PRPF4: variants seen among roughly 807,000 people sequenced by gnomAD.
PRPF4 encodes the protein U4/U6 small nuclear ribonucleoprotein Prp4.
In PRPF4, 14 loss-of-function variants were observed where a neutral mutation model predicts 72.2. The observed-to-expected ratio is 0.19, with a 90% confidence interval of 0.13 to 0.30. The LOEUF is 0.30. Ranked by LOEUF, PRPF4 falls within the 10% of genes least tolerant of loss-of-function variation. The probability of loss-of-function intolerance (pLI) is 1.00; values close to 1 mark genes in which losing one functional copy is unlikely to be tolerated. For synonymous variants in PRPF4, 225 were observed against 232.2 expected, an observed-to-expected ratio of 0.97 and a Z score of 0.28; for missense variants, 478 against 653.9, an observed-to-expected ratio of 0.73 and a Z score of 2.93.
intron 13 of PRPF4, among the ~76,000 whole-genome samples, 161 bp from the exon 14 acceptor site, chr9:113,291,306 C>T (rs1389909930): frequency 2.6e-5 from 4 of 152,164 alleles, no homozygotes; most frequent in African/African-American, 9.7e-5. Context: ...AATAGATTCT[C>T]GGTCAGGGAA....
intron 3 of PRPF4, among the ~76,000 whole-genome samples, chr9:113,281,462 C>T (rs1458409038): frequency 1.3e-5 from 2 of 152,208 alleles, no homozygotes; most frequent in Non-Finnish European, 2.9e-5. Flanking sequence ...TACAACAGTA[C>T]TGTCTGATTT....
chr9:113,279,165 T>C, intron 3 of PRPF4, 34 bp downstream of exon 3: 1 of 1,574,194 alleles, frequency 6.4e-7, no homozygotes, highest in South Asian at 1.2e-5. Context: ...TTTTTCTTTA[T>C]TATAATCACA....
chr9:113,290,752 A>G lies in PRPF4; in HGVS notation c.1198A>G (p.Met400Val), dbSNP rs771241190. 1.9e-6 allele frequency: 3 copies of G among 1,614,076 alleles called. No individual in the cohort carries two copies. The highest frequency in any genetic ancestry group is 1.7e-5 in the Admixed American group (1 of 59,996). ...GGACCTACGCACAGGACGTTGTATC[A>G]TGTTCTTAGAAGGCCACCTGAAAGA... is the stretch of plus-strand genomic sequence containing the variant. ...VWDLRTGRCI[M>V]FLEGHLKEIY... The change falls in exon 12 of 14, where the codon ATG (methionine) becomes GTG (valine). Residue 400 changes from methionine (M) to valine (V), a missense_variant. By Grantham distance (21) the Met-to-Val change is conservative. Transcript: ENST00000374198.
At chr9:113,285,252 C>G (rs147747020) in intron 7 of PRPF4, among the ~76,000 whole-genome samples, 281 of 151,422 alleles carry the variant, frequency 1.9e-3, no homozygotes, top group Non-Finnish European at 3.4e-3. Context: ...CTTGTAATCC[C>G]AGCACTTTGG....
chr9:113,278,841 G>C, intron 2 of PRPF4, 104 bp from the exon 3 acceptor site: 1 of 1,103,534 alleles, frequency 9.1e-7, no homozygotes, highest in African/African-American at 1.6e-5. Context: ...ATGTGTAATA[G>C]ACAGTTACTT....
intron 10 of PRPF4, among the ~76,000 whole-genome samples, chr9:113,289,732 T>C (rs1832553765): frequency 6.6e-6 from 1 of 152,248 alleles, no homozygotes; most frequent in Non-Finnish European, 1.5e-5. Context: ...TCTGACCATA[T>C]ATGTGTGGTT....
In PRPF4 at chr9:113,283,568, T is replaced by C. The variant is rs190087046; in HGVS notation, c.654+86T>C. 1.4e-4 allele frequency: 174 copies of C among 1,285,862 alleles called. 2 individuals carry two copies. The Admixed American group carries it at 3.8e-3, about 28-fold the overall frequency. The allele number at this position is 1,285,862 out of a possible 1,614,324, so 79.7% of individuals were successfully genotyped here. A position where few individuals can be genotyped will look rare whatever the true frequency, so the allele number is the denominator to read the frequency against. On this transcript the variant is annotated intron_variant, in intron 6 of 13. Transcript: ENST00000374198. ...CTACTTTGGCTCACCTCTGGGAAGG[T>C]AGAGGCAACTAGAGTGATTCCTCCC...
intron 13 of PRPF4, 117 bp from the exon 14 acceptor site, chr9:113,291,350 T>A (rs1832603015): frequency 9.6e-7 from 1 of 1,045,572 alleles, no homozygotes; most frequent in Non-Finnish European, 1.4e-6. Flanking sequence ...TTTGTTCCCT[T>A]AAGTCTGTAG....
At chr9:113,280,987 T>G (rs2118603315) in intron 3 of PRPF4, among the ~76,000 whole-genome samples, 1 of 152,174 alleles carries the variant, frequency 6.6e-6, no homozygotes, top group African/African-American at 2.4e-5. Flanking sequence ...ACTACAGGCA[T>G]GTGCCACCAT....
chr9:113,284,458 G>A, intron 7 of PRPF4, 69 bp downstream of exon 7: 1 of 1,297,096 alleles, frequency 7.7e-7, no homozygotes, highest in East Asian at 2.3e-5. Context: ...ATTAGCATTT[G>A]CGTTAGACGT....
At chr9:113,288,087 C>T (rs1331938159) in intron 9 of PRPF4, 88 bp from the exon 10 acceptor site, 2 of 1,255,618 alleles carry the variant, frequency 1.6e-6, no homozygotes, top group East Asian at 5.0e-5. Flanking sequence ...TCGTGTTGTA[C>T]AGAATGGGTA....
intron 3 of PRPF4, among the ~76,000 whole-genome samples, chr9:113,280,755 T>A (rs1210998070): frequency 6.6e-6 from 1 of 152,244 alleles, no homozygotes; most frequent in Admixed American, 6.5e-5. Context: ...ACATTGGTCC[T>A]TATGGAATAT....
At chr9:113,291,371 T>C in intron 13 of PRPF4, 96 bp from the exon 14 acceptor site, 1 of 1,314,082 alleles carries the variant, frequency 7.6e-7, no homozygotes. Flanking sequence ...AAACAAGTTT[T>C]TTTAAAAATA....
chr9:113,276,785 T>G (rs1832113302), intron 2 of PRPF4, 60 bp downstream of exon 2: 1 of 1,500,948 alleles, frequency 6.7e-7, no homozygotes, highest in Non-Finnish European at 9.0e-7. Context: ...CTTTCTAAAC[T>G]TAAATACCAC....
Position 113,291,932 on chromosome 9 carries a change from G to T in PRPF4, c.*272G>T, listed in dbSNP as rs1042721795. The stretch of plus-strand genomic sequence containing the variant: ...ATTGTTTTTATTAATCTTTTGTTTG[G>T]CCGGGCGTGGTGGCTCACGCCTGTA... On this transcript the variant is annotated 3_prime_UTR_variant, in exon 14 of 14. Transcript: ENST00000374198. 1 of 256,518 alleles carries T rather than the reference G, an allele frequency of 3.9e-6. No homozygotes were observed. The highest frequency in any genetic ancestry group is 7.5e-6 in the Non-Finnish European group (1 of 133,234). 15.9% of individuals were successfully genotyped at this position (256,518 alleles called of 1,614,324 possible). A position where few individuals can be genotyped will look rare whatever the true frequency, so the allele number is the denominator to read the frequency against.
chr9:113,290,928 C>T lies in PRPF4; in HGVS notation c.1284C>T (p.Asn428=). ...GYHIATGSGD[N]TCKVWDLRQR... is the part of the protein sequence containing the mutation. The stretch of plus-strand genomic sequence containing the variant: ...ACATTGCAACCGGCAGTGGTGACAA[C>T]ACCTGCAAAGTGTGGGACCTCCGAC... Residue 428 remains asparagine, a synonymous_variant, in exon 13 of 14, where the codon AAC becomes AAT. Coordinates refer to ENST00000374198, the MANE Select transcript of PRPF4 (RefSeq NM_001244926.2). The T allele has an allele frequency of 3.1e-6, 5 of 1,614,238 alleles. No homozygotes were observed. In the East Asian group the frequency reaches 8.9e-5, roughly 29 times the overall value.
intron 10 of PRPF4, among the ~76,000 whole-genome samples, chr9:113,288,624 A>G (rs1364886971): frequency 6.6e-6 from 1 of 151,992 alleles, no homozygotes; most frequent in Non-Finnish European, 1.5e-5. Flanking sequence ...TTTAGTAGAG[A>G]CAGGGTTTCA....
At chr9:113,277,262 A>G (rs991558042) in intron 2 of PRPF4, among the ~76,000 whole-genome samples, 1 of 152,188 alleles carries the variant, frequency 6.6e-6, no homozygotes, top group African/African-American at 2.4e-5. Context: ...ATTTGGATTC[A>G]GATTGATTCC....
rs1223232742 is a variant in PRPF4, at chr9:113,290,803, A to G, written c.1249A>G (p.Asn417Asp). The G allele has an allele frequency of 5.6e-6, 9 of 1,613,974 alleles. No individual in the cohort carries two copies. The highest frequency in any genetic ancestry group is 2.7e-5 in the African/African-American group (2 of 74,930). ...KEIYGINFSP[N>D]GYHIATGSGD... Reference sequence around the variant, plus strand: ...AATCTATGGAATAAATTTCTCCCCCAATGGGTAAAATAAACACACTGAATG... The same window carrying G: ...AATCTATGGAATAAATTTCTCCCCCGATGGGTAAAATAAACACACTGAATG... The change falls in exon 12 of 14, where the codon AAT becomes GAT. Residue 417 changes from asparagine (N) to aspartate (D), a missense_variant. Coordinates refer to ENST00000374198, the MANE Select transcript of PRPF4 (RefSeq NM_001244926.2).
Sources: gnomAD v4.1 joint callset for allele counts (sites outside exome capture counted in the v4.1 genomes callset) on GRCh38, gnomAD v4.1.1 for gene constraint, MANE v1.5 for transcripts, NCBI Gene and HGNC (gene_info 2026-07-23, HGNC 2026-07-21) for gene names.